EXOC2: variants seen among roughly 807,000 people sequenced by gnomAD.
EXOC2 encodes SEC5-like 1.
A neutral mutation model predicts 131.8 loss-of-function variants in EXOC2; 70 were observed. The observed-to-expected ratio is 0.53, with a 90% CI of 0.44 to 0.65. The LOEUF (loss-of-function observed/expected upper bound fraction) is 0.65. EXOC2 is among the 30% of genes least tolerant of loss of function. EXOC2 has a pLI of 0.00. For synonymous variants in EXOC2, 411 were observed against 398.4 expected (o/e 1.03, Z -0.38); for missense variants, 923 against 1,108.6 (o/e 0.83, Z 2.38).
intron 13 of EXOC2, among the ~76,000 whole-genome samples, chr6:568,267 A>G (rs938413617): frequency 6.6e-6 from 1 of 152,240 alleles, no homozygotes; most frequent in African/African-American, 2.4e-5. Context: ...AATCAGTTGA[A>G]GGCCTGAACA....
At chr6:510,532 G>C (rs1764781936) in intron 23 of EXOC2, among the ~76,000 whole-genome samples, 2 of 152,128 alleles carry the variant, frequency 1.3e-5, no homozygotes, top group South Asian at 4.1e-4. Flanking sequence ...CCATCTGTAA[G>C]AAAGACTTTA....
chr6:560,712 T>C (rs906854047), intron 17 of EXOC2, among the ~76,000 whole-genome samples: 1 of 143,694 alleles, frequency 7.0e-6, no homozygotes, highest in Non-Finnish European at 1.5e-5. Flanking sequence ...TTTTCTTTCT[T>C]TTTTTTTTTT....
At chr6:555,100 T>C (rs972919933) in intron 20 of EXOC2, 127 bp downstream of exon 20, 9 of 461,422 alleles carry the variant, frequency 2.0e-5, no homozygotes, top group African/African-American at 1.4e-4. Context: ...AAAAAAACTA[T>C]TACTTCGATA....
chr6:585,088 CAT>C (rs1333170380), intron 11 of EXOC2, among the ~76,000 whole-genome samples: 8 of 152,172 alleles, frequency 5.3e-5, no homozygotes, highest in African/African-American at 1.9e-4. Context: ...AAAAGTTTAA[CAT>C]GTATAACAAT....
At chr6:687,251 C>T (rs75947432) in intron 1 of EXOC2, among the ~76,000 whole-genome samples, 1,500 of 131,146 alleles carry the variant, frequency 0.011, 17 homozygotes, top group African/African-American at 0.027. Flanking sequence ...GCAATCATAG[C>T]TCACTGCAGC....
At chr6:619,611 A>G in intron 4 of EXOC2, 68 bp from the exon 5 acceptor site, 1 of 994,640 alleles carries the variant, frequency 1.0e-6, no homozygotes, top group Admixed American at 1.9e-5. Flanking sequence ...AGGTATCACT[A>G]AGTATCCAGT....
Position 497,444 on chromosome 6 carries a change from C to T in EXOC2, c.2482G>A (p.Val828Met), listed in dbSNP as rs1763805632. ...KELVPRVLSKVIEAVSEELSR... is the reference protein window; with the variant it reads ...KELVPRVLSKMIEAVSEELSR... ...AGCTCTTCAGAAACTGCTTCTATCA[C>T]CTTGGATAGTACCCGAGGGACCAGT... is the stretch of plus-strand genomic sequence containing the variant. The change falls in exon 25 of 28, where the codon GTG (valine) becomes ATG (methionine). Residue 828 changes from valine (V) to methionine (M), a missense_variant. Coordinates refer to ENST00000230449, the MANE Select transcript of EXOC2 (RefSeq NM_018303.6). The T allele has an allele frequency of 1.2e-6, 2 of 1,613,976 alleles. No individual in the cohort carries two copies. Among genetic ancestry groups the T allele is most frequent in the African/African-American group, 1.3e-5 (1 of 75,036 alleles).
intron 1 of EXOC2, among the ~76,000 whole-genome samples, chr6:651,531 G>GT: frequency 6.6e-6 from 1 of 151,982 alleles, no homozygotes; most frequent in Non-Finnish European, 1.5e-5. Flanking sequence ...GTGGGCACCT[G>GT]TAATCCCAGC....
intron 27 of EXOC2, among the ~76,000 whole-genome samples, chr6:487,848 C>T (rs371902033): frequency 2.0e-5 from 3 of 152,196 alleles, no homozygotes; most frequent in African/African-American, 7.2e-5. Context: ...GCTATCCCCA[C>T]AGCAAATCTA....
intron 10 of EXOC2, among the ~76,000 whole-genome samples, chr6:595,136 G>C (rs138120160): frequency 6.6e-6 from 1 of 152,164 alleles, no homozygotes; most frequent in Non-Finnish European, 1.5e-5. Context: ...GAAATAAGGA[G>C]AGGGAGAAGA....
At chr6:562,257 C>T (rs1018174581) in intron 17 of EXOC2, among the ~76,000 whole-genome samples, 7 of 152,128 alleles carry the variant, frequency 4.6e-5, no homozygotes, top group South Asian at 2.1e-4. Flanking sequence ...CACAGGACCG[C>T]GAGGGGCACC....
chr6:524,714 C>A (rs188077414), intron 23 of EXOC2, among the ~76,000 whole-genome samples: 89 of 152,238 alleles, frequency 5.8e-4, no homozygotes, highest in Non-Finnish European at 1.0e-3. Context: ...GAATTTTCCA[C>A]AAAGAAAGGT....
rs202041933 is a variant in EXOC2, at chr6:595,615, CAT to C, written c.1073+2404_1073+2405del. On this transcript the variant is annotated intron_variant, in intron 10 of 27. Transcript: ENST00000230449. ...AAGTTATATACTCATAAAAACTGCA[CAT>C]GAGTTATCCATATAGATGGTAACCC... 4.2e-3 allele frequency among the ~76,000 whole-genome samples: 639 copies of C among 152,146 alleles called. 15 individuals carry two copies. The highest frequency in any genetic ancestry group is 0.014 in the African/African-American group (562 of 41,418).
chr6:556,552 C>T lies in EXOC2; in HGVS notation c.1864G>A (p.Glu622Lys). Residue 622 changes from glutamate (E) to lysine (K), a missense_variant, in exon 18 of 28, where the codon GAA (glutamate) becomes AAA (lysine). By Grantham distance (56) the Glu-to-Lys change is moderately conservative. Coordinates refer to ENST00000230449, the MANE Select transcript of EXOC2 (RefSeq NM_018303.6). ...TGCAGAGAACACACGATGCACTGTT[C>T]AAACTGACATGGCTGAAGGGAAAAC... ...EGLTSLPCQF[E>K]QCIVCSLQSL... 1.2e-6 allele frequency: 2 copies of T among 1,614,154 alleles called. No individual in the cohort carries two copies. The highest frequency in any genetic ancestry group is 1.7e-6 in the Non-Finnish European group (2 of 1,180,014).
chr6:547,353 G>C (rs1039788927), intron 22 of EXOC2, among the ~76,000 whole-genome samples: 1 of 152,188 alleles, frequency 6.6e-6, no homozygotes, highest in African/African-American at 2.4e-5. Flanking sequence ...GGAAACACTT[G>C]GCCTGCCCTG....
At chr6:636,940 C>T (rs568034860) in intron 2 of EXOC2, among the ~76,000 whole-genome samples, 7 of 152,230 alleles carry the variant, frequency 4.6e-5, no homozygotes, top group African/African-American at 1.4e-4. Context: ...AAATGATTTA[C>T]GTTTAAAGTT....
At position 633,511 on chromosome 6, in the gene EXOC2, T is replaced by C. The variant is rs536988100; in HGVS notation, c.119-394A>G. Among the ~76,000 whole-genome samples, 25 of 152,378 alleles carry C rather than the reference T, an allele frequency of 1.6e-4. 1 individual carries two copies. In the South Asian group the frequency reaches 5.2e-3, roughly 32 times the overall value. ...ATTTTAAAGTGTATTAATAAACGTA[T>C]GTATCATTTTCTAAAAACATTCTAC... On this transcript the variant is annotated intron_variant, in intron 2 of 27. Coordinates refer to ENST00000230449, the MANE Select transcript of EXOC2 (RefSeq NM_018303.6).
Position 592,495 on chromosome 6 carries a change from T to C in EXOC2, c.1166A>G (p.Lys389Arg). The C allele has an allele frequency of 6.2e-7, 1 of 1,614,014 alleles. No homozygotes were observed. Among genetic ancestry groups the C allele is most frequent in the East Asian group, 2.2e-5 (1 of 44,868 alleles). ...TTTCAGATCTTTCACGTAGCCCTCTTTGCAACTGTGCATGAGCTGAAGGAT... is the reference window on the plus strand; with the variant it reads ...TTTCAGATCTTTCACGTAGCCCTCTCTGCAACTGTGCATGAGCTGAAGGAT... Reference protein sequence around the residue: ...KWILQLMHSCKEGYVKDLKGN... With the variant: ...KWILQLMHSCREGYVKDLKGN... Residue 389 changes from lysine (K) to arginine (R), a missense_variant, in exon 11 of 28, where the codon AAA (lysine) becomes AGA (arginine). Coordinates refer to ENST00000230449, the MANE Select transcript of EXOC2 (RefSeq NM_018303.6).
At chr6:521,950 G>C (rs1765492027) in intron 23 of EXOC2, among the ~76,000 whole-genome samples, 1 of 152,082 alleles carries the variant, frequency 6.6e-6, no homozygotes, top group Admixed American at 6.5e-5. Context: ...ACTTTCTGTT[G>C]AAAATAACTA....
Sources: gnomAD v4.1 joint callset for allele counts (sites outside exome capture counted in the v4.1 genomes callset) on GRCh38, gnomAD v4.1.1 for gene constraint, MANE v1.5 for transcripts, NCBI Gene and HGNC (gene_info 2026-07-23, HGNC 2026-07-21) for gene names.